Variants in RNF111 observed in about 807,000 individuals in gnomAD.
RNF111 encodes the protein E3 ubiquitin-protein ligase Arkadia.
RNF111 carries 17 observed loss-of-function variants against 95.1 expected under a neutral mutation model. The observed-to-expected ratio is 0.18, with a 90% CI of 0.12 to 0.27. The LOEUF is 0.27. RNF111 is among the 10% of genes least tolerant of loss of function. The pLI, the probability that RNF111 is intolerant of heterozygous loss-of-function variation, is 1.00. For synonymous variants in RNF111, 440 were observed against 414.8 expected (o/e 1.06, Z -0.74); for missense variants, 1,189 against 1,210.4 (o/e 0.98, Z 0.26).
intron 13 of RNF111, among the ~76,000 whole-genome samples, chr15:59,093,675 CT>C (rs1421883189): frequency 6.6e-6 from 1 of 151,228 alleles, no homozygotes; most frequent in Non-Finnish European, 1.5e-5. Flanking sequence ...TCTTCCTGTT[CT>C]TTTTTTTAAT....
rs780618605 is a variant in RNF111, at chr15:59,076,035, C to T, written c.1768C>T (p.Pro590Ser). ...TTTTCATGGAGCATCTGCATTTGAC[C>T]CCTGCTGCCCTGTTTCTTCCTCCCG... ...GSFHGASAFD[P>S]CCPVSSSRAA... Residue 590 changes from proline to serine, a missense_variant, in exon 7 of 14, where the codon CCC becomes TCC. Physicochemically the swap from Pro to Ser is moderately conservative, Grantham distance 74. Coordinates refer to ENST00000348370, the MANE Select transcript of RNF111 (RefSeq NM_017610.8). 13 of 1,614,018 alleles carry T rather than the reference C, an allele frequency of 8.1e-6. No homozygotes were observed. The highest frequency in any genetic ancestry group is 2.2e-5 in the East Asian group (1 of 44,888).
intron 1 of RNF111, among the ~76,000 whole-genome samples, chr15:58,997,880 G>A (rs1337256035): frequency 6.6e-6 from 1 of 151,554 alleles, no homozygotes; most frequent in African/African-American, 2.4e-5. Context: ...ATGTGTGTAT[G>A]TGTTTTTTTT....
At chr15:59,046,584 G>T (rs2041720685) in intron 2 of RNF111, among the ~76,000 whole-genome samples, 1 of 152,178 alleles carries the variant, frequency 6.6e-6, no homozygotes, top group South Asian at 2.1e-4. Context: ...TAACAAAGTA[G>T]ATCATAGACC....
At chr15:59,024,231 A>G (rs2040489271) in intron 1 of RNF111, among the ~76,000 whole-genome samples, 1 of 152,150 alleles carries the variant, frequency 6.6e-6, no homozygotes, top group Admixed American at 6.5e-5. Context: ...TATTGGTGTC[A>G]CCATATTCTT....
chr15:59,067,206 C>T lies in RNF111; in HGVS notation c.1686+123C>T. 4 of 842,588 alleles carry T rather than the reference C, an allele frequency of 4.7e-6. No individual in the cohort carries two copies. The South Asian group carries it at 5.5e-5, about 12-fold the overall frequency. 52.2% of individuals were successfully genotyped at this position (842,588 alleles called of 1,614,324 possible). A position where few individuals can be genotyped will look rare whatever the true frequency, so the allele number is the denominator to read the frequency against. On this transcript the variant is annotated intron_variant, in intron 6 of 13. Transcript: ENST00000348370. ...TCTCTCTCCCTCCCTCCATTTCTCT[C>T]CCTGCTTTCTTCCCTCCCTGCCTCC... is the stretch of plus-strand genomic sequence containing the variant.
chr15:59,021,057 C>G (rs1330677645), intron 1 of RNF111, among the ~76,000 whole-genome samples: 2 of 152,072 alleles, frequency 1.3e-5, no homozygotes, highest in Non-Finnish European at 2.9e-5. Flanking sequence ...AGTCTTTTAT[C>G]CCTGACCTCA....
intron 10 of RNF111, among the ~76,000 whole-genome samples, chr15:59,086,967 G>A (rs1179463673): frequency 1.3e-5 from 2 of 152,192 alleles, no homozygotes; most frequent in African/African-American, 4.8e-5. Flanking sequence ...GGTAAATATT[G>A]ATGAATGCCT....
intron 10 of RNF111, 45 bp downstream of exon 10, chr15:59,085,830 C>G (rs199581700): frequency 1.3e-6 from 2 of 1,543,674 alleles, no homozygotes; most frequent in South Asian, 2.3e-5. Flanking sequence ...CTAAAAGTTC[C>G]TTTTCTAAGT....
chr15:59,038,987 G>A (rs1336158775), intron 2 of RNF111, among the ~76,000 whole-genome samples: 1 of 152,084 alleles, frequency 6.6e-6, no homozygotes, highest in Non-Finnish European at 1.5e-5. Context: ...TTTTTGAGAT[G>A]GAGTTTCACT....
At chr15:59,012,749 T>A (rs1437221491) in intron 1 of RNF111, among the ~76,000 whole-genome samples, 1 of 151,760 alleles carries the variant, frequency 6.6e-6, no homozygotes, top group Non-Finnish European at 1.5e-5. Context: ...TTTTCTTTTT[T>A]TTTTTTTGAG....
intron 8 of RNF111, 127 bp from the exon 9 acceptor site, chr15:59,084,002 A>C (rs1168563136): frequency 2.8e-5 from 19 of 675,712 alleles, no homozygotes; most frequent in Non-Finnish European, 3.8e-5. Context: ...TTTATTATAA[A>C]ATTTATTTTA....
intron 6 of RNF111, among the ~76,000 whole-genome samples, chr15:59,072,546 C>T (rs1268771593): frequency 6.7e-6 from 1 of 150,270 alleles, no homozygotes; most frequent in Non-Finnish European, 1.5e-5. Context: ...CTCCACCTCC[C>T]AGGTTCATGC....
intron 2 of RNF111, among the ~76,000 whole-genome samples, chr15:59,032,831 G>GT (rs2040980746): frequency 6.6e-6 from 1 of 152,176 alleles, no homozygotes; most frequent in African/African-American, 2.4e-5. Context: ...TTAAAATTGG[G>GT]TAGGGACTAT....
intron 1 of RNF111, among the ~76,000 whole-genome samples, chr15:59,020,555 A>G (rs1395726509): frequency 6.6e-6 from 1 of 152,130 alleles, no homozygotes. Flanking sequence ...ATTGAACTTC[A>G]CCCAGTTTGT....
chr15:59,081,031 G>T lies in RNF111; in HGVS notation c.2044G>T (p.Asp682Tyr). 1.2e-6 allele frequency: 2 copies of T among 1,614,068 alleles called. No individual in the cohort carries two copies. The highest frequency in any genetic ancestry group is 1.7e-6 in the Non-Finnish European group (2 of 1,180,016). The change falls in exon 8 of 14, where the codon GAT becomes TAT. Residue 682 changes from aspartate to tyrosine, a missense_variant. By Grantham distance (160) the Asp-to-Tyr change is radical. Transcript: ENST00000348370. ...TCAGACTCAGCCTCCGCCTCAAGTG[G>T]ATTATGTTATTCCTCATCCTGTACA... ...PPQTQPPPQV[D>Y]YVIPHPVHAF...
In RNF111 at chr15:59,031,339, A is replaced by G. The variant is rs766948559; in HGVS notation, c.517A>G (p.Lys173Glu). ...ACATTCCCAGACCATTTTGAATGCT[A>G]AAAGTAGAAGCCATAGTGCACGGTC... ...VRHSQTILNA[K>E]SRSHSARSHK... is the part of the protein sequence containing the mutation. The change falls in exon 2 of 14, where the codon AAA (lysine) becomes GAA (glutamate). Residue 173 changes from lysine to glutamate, a missense_variant. Transcript: ENST00000348370. The G allele has an allele frequency of 3.1e-6, 5 of 1,614,088 alleles. No individual in the cohort carries two copies. Among genetic ancestry groups the G allele is most frequent in the Non-Finnish European group, 4.2e-6 (5 of 1,180,026 alleles).
chr15:59,062,723 A>G (rs2042494718), intron 5 of RNF111, among the ~76,000 whole-genome samples: 1 of 152,204 alleles, frequency 6.6e-6, no homozygotes, highest in Non-Finnish European at 1.5e-5. Context: ...CTACAGGTGA[A>G]GTAACATATC....
chr15:59,025,375 A>C (rs1012766874), intron 1 of RNF111, among the ~76,000 whole-genome samples: 3 of 152,230 alleles, frequency 2.0e-5, no homozygotes, highest in Non-Finnish European at 1.5e-5. Context: ...TTGAGGGTCC[A>C]TAGTGATACT....
chr15:58,995,714 T>C (rs1487036525), intron 1 of RNF111, among the ~76,000 whole-genome samples: 3 of 148,440 alleles, frequency 2.0e-5, no homozygotes, highest in African/African-American at 4.9e-5. Flanking sequence ...TCCACCTGCC[T>C]CAGCCTCCCA....
Sources: allele counts gnomAD v4.1 joint callset (sites outside exome capture counted in the v4.1 genomes callset), GRCh38; gene constraint gnomAD v4.1.1; transcripts MANE v1.5; gene names NCBI Gene and HGNC (gene_info 2026-07-23, HGNC 2026-07-21).